CDH18: variants seen among roughly 807,000 people sequenced by gnomAD.
The protein encoded by CDH18 is cadherin-18.
In CDH18, 31 loss-of-function variants were observed where a neutral mutation model predicts 67.9. The ratio of observed to expected loss-of-function variants is 0.46; its 90% CI spans 0.34 to 0.62. CDH18 has a LOEUF of 0.62. CDH18 is among the 20% of genes least tolerant of loss of function. The pLI is 0.01. For missense variants in CDH18, 890 were observed against 975.5 expected (o/e 0.91, Z 1.17); for synonymous variants, 362 against 347.2 (o/e 1.04, Z -0.48).
At chr5:20,537,294 C>T (rs1192290110) in intron 1 of CDH18, among the ~76,000 whole-genome samples, 1 of 151,966 alleles carries the variant, frequency 6.6e-6, no homozygotes, top group Non-Finnish European at 1.5e-5. Context: ...TGAGTTGCAA[C>T]AAAATGTTTG....
At chr5:19,747,720 T>C (rs1770213167) in intron 3 of CDH18, among the ~76,000 whole-genome samples, 1 of 150,530 alleles carries the variant, frequency 6.6e-6, no homozygotes, top group Admixed American at 6.7e-5. Context: ...AAGAGGCACA[T>C]ATTTAAGTCA....
At chr5:19,568,535 C>A (rs368669052) in intron 8 of CDH18, among the ~76,000 whole-genome samples, 1 of 152,098 alleles carries the variant, frequency 6.6e-6, no homozygotes, top group Non-Finnish European at 1.5e-5. Context: ...TATAAGCCAC[C>A]AAGACTATGA....
At chr5:20,112,936 C>A (rs1172328022) in intron 2 of CDH18, among the ~76,000 whole-genome samples, 1 of 152,094 alleles carries the variant, frequency 6.6e-6, no homozygotes. Context: ...ACACTGAGAA[C>A]CTGATGTGGT....
intron 1 of CDH18, among the ~76,000 whole-genome samples, chr5:20,446,961 C>T (rs764542397): frequency 1.3e-5 from 2 of 152,158 alleles, no homozygotes; most frequent in Non-Finnish European, 2.9e-5. Flanking sequence ...TAGAAAATTT[C>T]CTGCCTGTGG....
intron 2 of CDH18, among the ~76,000 whole-genome samples, chr5:20,232,921 G>A (rs1169263895): frequency 1.3e-5 from 2 of 151,786 alleles, no homozygotes; most frequent in Non-Finnish European, 2.9e-5. Context: ...TATTTTACAG[G>A]TATGTAATTG....
chr5:20,473,128 G>A (rs925813990), intron 1 of CDH18, among the ~76,000 whole-genome samples: 3 of 151,936 alleles, frequency 2.0e-5, no homozygotes, highest in Admixed American at 1.3e-4. Flanking sequence ...TTTTAAAGAT[G>A]AGATTCAAAC....
chr5:20,087,349 C>T (rs1262446299), intron 2 of CDH18, among the ~76,000 whole-genome samples: 1 of 152,002 alleles, frequency 6.6e-6, no homozygotes, highest in African/African-American at 2.4e-5. Context: ...AAAAGACTTA[C>T]CATATTATAT....
At chr5:19,869,864 T>C (rs1328651241) in intron 2 of CDH18, among the ~76,000 whole-genome samples, 3 of 152,130 alleles carry the variant, frequency 2.0e-5, no homozygotes, top group African/African-American at 7.2e-5. Context: ...CTACTTTTCA[T>C]ACCAGTTCAC....
intron 2 of CDH18, among the ~76,000 whole-genome samples, chr5:20,110,213 C>A (rs1047145961): frequency 2.0e-5 from 3 of 152,184 alleles, no homozygotes; most frequent in African/African-American, 7.2e-5. Flanking sequence ...ACATAATGTA[C>A]AAAAATTAGT....
intron 1 of CDH18, among the ~76,000 whole-genome samples, chr5:20,471,567 C>T (rs534143220): frequency 4.0e-4 from 60 of 151,792 alleles, no homozygotes; most frequent in South Asian, 1.2e-3. Flanking sequence ...TTTGGGAGGC[C>T]GAGGCGGGAG....
intron 2 of CDH18, among the ~76,000 whole-genome samples, chr5:20,099,747 G>A (rs533974180): frequency 6.6e-6 from 1 of 152,212 alleles, no homozygotes; most frequent in Non-Finnish European, 1.5e-5. Flanking sequence ...CAGGAGAAAA[G>A]TGTTTTCTTA....
chr5:20,028,532 A>G (rs113089586), intron 2 of CDH18, among the ~76,000 whole-genome samples: 1 of 152,144 alleles, frequency 6.6e-6, no homozygotes, highest in South Asian at 2.1e-4. Context: ...TTCAGGCAAG[A>G]AAAAAGAAGT....
chr5:19,558,601 A>T (rs184703745), intron 8 of CDH18, among the ~76,000 whole-genome samples: 189 of 151,680 alleles, frequency 1.2e-3, no homozygotes, highest in African/African-American at 4.0e-3. Context: ...AAGGAAAAAA[A>T]TATAAACTCT....
chr5:20,139,362 T>G (rs918153153), intron 2 of CDH18, among the ~76,000 whole-genome samples: 2 of 151,956 alleles, frequency 1.3e-5, no homozygotes, highest in Non-Finnish European at 2.9e-5. Flanking sequence ...CCATAAAAAC[T>G]CTAGAAGAAA....
At chr5:20,130,401 GTTT>G (rs4002156) in intron 2 of CDH18, among the ~76,000 whole-genome samples, 42,354 of 143,804 alleles carry the variant, frequency 0.29, 7,285 homozygotes, top group Admixed American at 0.37. Flanking sequence ...CTCTTCCTTA[GTTT>G]TTTTTTTTTT....
intron 8 of CDH18, among the ~76,000 whole-genome samples, chr5:19,560,468 AT>A (rs751041547): frequency 6.6e-6 from 1 of 152,084 alleles, no homozygotes; most frequent in Non-Finnish European, 1.5e-5. Flanking sequence ...AGGTAGAAGA[AT>A]GAAACTGGAT....
intron 1 of CDH18, among the ~76,000 whole-genome samples, chr5:20,498,600 G>C (rs1754051251): frequency 6.6e-6 from 1 of 151,950 alleles, no homozygotes; most frequent in Admixed American, 6.6e-5. Context: ...TTCATTAATT[G>C]TATCACTATA....
chr5:20,216,230 A>G (rs1740758386), intron 2 of CDH18, among the ~76,000 whole-genome samples: 1 of 152,002 alleles, frequency 6.6e-6, no homozygotes, highest in Non-Finnish European at 1.5e-5. Flanking sequence ...AAGAATTTCT[A>G]TAGTGTGACA....
rs1314320187 is a variant in CDH18 at position 20,142,534 on chromosome 5, G to GAC, written c.-518+112908_-518+112909dup. ...GGCAGAGGTTGCAGTGAGCTGAGAT[G>GAC]ACACTACTGCATTCCAGCCTGGACA... On this transcript the variant is annotated intron_variant, in intron 2 of 14. Transcript: ENST00000507958. Among the ~76,000 whole-genome samples, 3 of 150,660 alleles carry GAC rather than the reference G, an allele frequency of 2.0e-5. 1 individual carries two copies. The East Asian group carries it at 5.9e-4, about 29-fold the overall frequency.
Sources: allele counts gnomAD v4.1 joint callset (sites outside exome capture counted in the v4.1 genomes callset), GRCh38; gene constraint gnomAD v4.1.1; transcripts MANE v1.5; gene names NCBI Gene and HGNC (gene_info 2026-07-23, HGNC 2026-07-21).